Variants in STAG2 observed in about 807,000 individuals in gnomAD.
STAG2 encodes cohesin subunit SA-2.
In STAG2, 14 loss-of-function variants were observed where a neutral mutation model predicts 108.1. The observed-to-expected ratio is 0.13, with a 90% CI of 0.09 to 0.20. The LOEUF is 0.20. Ranked by LOEUF, STAG2 falls within the 10% of genes least tolerant of loss-of-function variation. The pLI is 1.00. For missense variants in STAG2, 440 were observed against 940.9 expected (o/e 0.47, Z 6.96); for synonymous variants, 307 against 302.7 (o/e 1.01, Z -0.15).
At chrX:124,081,082 T>C (rs1303245997) in intron 27 of STAG2, among the ~76,000 whole-genome samples, 1 of 65,141 alleles carries the variant, frequency 1.5e-5, no homozygotes, top group African/African-American at 4.4e-5. Context: ...CCTAATAATT[T>C]GCTGGGGTTT....
chrX:124,079,109 A>G (rs2058879715), intron 27 of STAG2, among the ~76,000 whole-genome samples: 1 of 110,030 alleles, frequency 9.1e-6, no homozygotes. Flanking sequence ...ATTCCAACTT[A>G]ATGAACTTTC....
chrX:123,973,401 G>C (rs897366414), intron 1 of STAG2, among the ~76,000 whole-genome samples: 2 of 108,622 alleles, frequency 1.8e-5, no homozygotes, highest in African/African-American at 6.7e-5. Flanking sequence ...AATTAGCCGG[G>C]CATGGTGGCG....
At chrX:124,043,557 T>C (rs2057786638) in intron 7 of STAG2, among the ~76,000 whole-genome samples, 1 of 111,804 alleles carries the variant, frequency 8.9e-6, no homozygotes, top group Non-Finnish European at 1.9e-5. Context: ...TAACATTTTA[T>C]GGTTCCCAGA....
intron 13 of STAG2, among the ~76,000 whole-genome samples, chrX:124,051,855 G>T (rs868336682): frequency 5.3e-5 from 6 of 112,453 alleles, no homozygotes; most frequent in Middle Eastern, 9.2e-3. Context: ...CTCCCAAGGT[G>T]CTGGGATTAC....
chrX:124,015,952 CTTG>C (rs1179653790), intron 1 of STAG2, among the ~76,000 whole-genome samples: 1 of 111,314 alleles, frequency 9.0e-6, no homozygotes, highest in Non-Finnish European at 1.9e-5. Context: ...ACCTTTGGGT[CTTG>C]TTGTCAGGAG....
At chrX:124,031,289 A>G (rs747579282) in intron 5 of STAG2, among the ~76,000 whole-genome samples, 164 bp downstream of exon 5, 2 of 112,148 alleles carry the variant, frequency 1.8e-5, no homozygotes, top group African/African-American at 3.2e-5. Context: ...TTCTTCATAT[A>G]TAAGACTTTT....
intron 7 of STAG2, among the ~76,000 whole-genome samples, chrX:124,043,819 T>A (rs1370875469): frequency 6.3e-5 from 7 of 111,416 alleles, no homozygotes; most frequent in Non-Finnish European, 1.1e-4. Context: ...AGTTGATTAT[T>A]TCATTGAGCT....
At chrX:123,981,272 A>T (rs937504722) in intron 1 of STAG2, among the ~76,000 whole-genome samples, 1 of 110,406 alleles carries the variant, frequency 9.1e-6, no homozygotes, top group Non-Finnish European at 1.9e-5. Flanking sequence ...TCATAATAAA[A>T]CTGTACCCAT....
At chrX:123,964,947 T>C (rs773725163) in intron 1 of STAG2, among the ~76,000 whole-genome samples, 1 of 105,692 alleles carries the variant, frequency 9.5e-6, no homozygotes, top group Non-Finnish European at 1.9e-5. Flanking sequence ...CTAAATTCTA[T>C]TAAGGTAAGT....
chrX:124,066,170 T>TTTTTTA lies in STAG2; in HGVS notation c.2097-5_2097-4insTTTTTA. ...TTTTTTTTTTTTTTTTTTTTTTTTT[T>TTTTTTA]ACAGTGCCCATGACCTTTCAAAGTG... On this transcript the variant is annotated splice_polypyrimidine_tract_variant and splice_region_variant and intron_variant, in intron 21 of 34. Transcript: ENST00000371145. 1 of 924,066 alleles carries TTTTTTA rather than the reference T, an allele frequency of 1.1e-6. No individual in the cohort carries two copies. The allele number at this position is 924,066 out of a possible 1,213,427, so 76.2% of individuals were successfully genotyped here.
chrX:124,100,898 A>C lies in STAG2; in HGVS notation c.*301A>C. The C allele has an allele frequency of 4.8e-6, 1 of 209,806 alleles. No individual in the cohort carries two copies. The highest frequency in any genetic ancestry group is 1.5e-3 in the Middle Eastern group (1 of 668). 17.3% of individuals were successfully genotyped at this position (209,806 alleles called of 1,213,427 possible). A position where few individuals can be genotyped will look rare whatever the true frequency, so the allele number is the denominator to read the frequency against. ...TGCTTTTTTTTAAAAAAAAAAAAAA[A>C]CAAAATAACAATCTGAAGAGGCATT... is the stretch of plus-strand genomic sequence containing the variant. On this transcript the variant is annotated 3_prime_UTR_variant, in exon 35 of 35. Transcript: ENST00000371145.
chrX:123,967,178 C>T (rs1042194274), intron 1 of STAG2, among the ~76,000 whole-genome samples: 1 of 109,955 alleles, frequency 9.1e-6, no homozygotes, highest in African/African-American at 3.3e-5. Context: ...GCCACCGTGC[C>T]TGGCCAAGAA....
intron 14 of STAG2, among the ~76,000 whole-genome samples, 154 bp from the exon 15 acceptor site, chrX:124,057,712 T>C (rs1178272973): frequency 8.9e-6 from 1 of 112,261 alleles, no homozygotes; most frequent in African/African-American, 3.2e-5. Context: ...AGCAATTATT[T>C]GCGTGGTGTG....
intron 1 of STAG2, among the ~76,000 whole-genome samples, chrX:124,000,070 A>G (rs919800686): frequency 1.2e-4 from 13 of 110,384 alleles, no homozygotes; most frequent in African/African-American, 4.3e-4. Flanking sequence ...CCTTTTATAT[A>G]AACTACAGTC....
chrX:124,029,530 C>T lies in STAG2; in HGVS notation c.124-1431C>T, dbSNP rs186223835. Among the ~76,000 whole-genome samples the T allele has an allele frequency of 7.3e-3, 811 of 110,880 alleles. 7 individuals carry two copies. The highest frequency in any genetic ancestry group is 0.025 in the African/African-American group (759 of 30,493). On this transcript the variant is annotated intron_variant, in intron 4 of 34. Coordinates refer to ENST00000371145, the MANE Select transcript of STAG2 (RefSeq NM_001042750.2). Reference sequence around the variant, plus strand: ...TTCACCGTGTTGGCCAGGCTGGTCTCGAACTTCTGAGCTCAGGCAATCCGC... The same window carrying T: ...TTCACCGTGTTGGCCAGGCTGGTCTTGAACTTCTGAGCTCAGGCAATCCGC...
chrX:124,028,083 G>A (rs184571383), intron 4 of STAG2, among the ~76,000 whole-genome samples: 222 of 111,490 alleles, frequency 2.0e-3, no homozygotes, highest in African/African-American at 5.1e-3. Flanking sequence ...AGTCTATTCT[G>A]TTGTAGTTGA....
Position 124,071,387 on chromosome X carries a change from T to C in STAG2, c.2533+64T>C. On this transcript the variant is annotated intron_variant, in intron 25 of 34. Coordinates refer to ENST00000371145, the MANE Select transcript of STAG2 (RefSeq NM_001042750.2). ...CCATAAAATCAAACTTAAGTAACAA[T>C]GATGTACATCGGTGCACTAAAATAT... 3.3e-6 allele frequency: 3 copies of C among 903,116 alleles called. No homozygotes were observed. The South Asian group carries it at 8.9e-5, about 27-fold the overall frequency. The allele number at this position is 903,116 out of a possible 1,213,427, so 74.4% of individuals were successfully genotyped here. A position where few individuals can be genotyped will look rare whatever the true frequency, so the allele number is the denominator to read the frequency against.
intron 1 of STAG2, among the ~76,000 whole-genome samples, chrX:124,008,017 T>G (rs779728529): frequency 9.0e-6 from 1 of 111,097 alleles, no homozygotes; most frequent in South Asian, 3.8e-4. Context: ...TTGAATACTT[T>G]GTAAATTATG....
rs1399231166 is a variant in STAG2 at position 124,028,828 on chromosome X, T to A, written c.124-2133T>A. 7.4e-5 allele frequency among the ~76,000 whole-genome samples: 7 copies of A among 94,871 alleles called. No individual in the cohort carries two copies. The East Asian group carries it at 9.5e-4, about 13-fold the overall frequency. 82.4% of individuals were successfully genotyped at this position (94,871 alleles called of 115,157 possible). On this transcript the variant is annotated intron_variant, in intron 4 of 34. Transcript: ENST00000371145. ...TATATATATATATATATATATTTTT[T>A]TTTTTATAGAGATGGGGTCTCGCTC... is the stretch of plus-strand genomic sequence containing the variant.
Sources: gnomAD v4.1 joint callset for allele counts (sites outside exome capture counted in the v4.1 genomes callset) on GRCh38, gnomAD v4.1.1 for gene constraint, MANE v1.5 for transcripts, NCBI Gene and HGNC (gene_info 2026-07-23, HGNC 2026-07-21) for gene names.